Variants in MAML2 observed in about 807,000 individuals in gnomAD.
The protein encoded by MAML2 is mastermind like transcriptional coactivator 2.
Under a neutral mutation model 96.1 loss-of-function variants are expected in MAML2, and 22 were observed. The ratio of observed to expected loss-of-function variants is 0.23; its 90% CI spans 0.16 to 0.33. The LOEUF (loss-of-function observed/expected upper bound fraction) is 0.33. MAML2 is among the 10% of genes least tolerant of loss of function. The pLI is 1.00. For synonymous variants in MAML2, 561 were observed against 521.3 expected (o/e 1.08, Z -1.04); for missense variants, 1,367 against 1,392.4 (o/e 0.98, Z 0.29).
intron 1 of MAML2, among the ~76,000 whole-genome samples, chr11:96,248,306 T>G (rs1862537631): frequency 1.3e-5 from 2 of 150,902 alleles, no homozygotes; most frequent in Admixed American, 6.6e-5. Flanking sequence ...GAGGCGGGGT[T>G]TCATCATTTT....
intron 2 of MAML2, among the ~76,000 whole-genome samples, chr11:96,014,384 T>C (rs1858311422): frequency 6.6e-6 from 1 of 152,148 alleles, no homozygotes; most frequent in African/African-American, 2.4e-5. Context: ...CTCACATTAA[T>C]ATCAAAGCAG....
intron 2 of MAML2, among the ~76,000 whole-genome samples, chr11:96,082,239 G>C (rs1276027510): frequency 6.6e-6 from 1 of 152,202 alleles, no homozygotes; most frequent in Non-Finnish European, 1.5e-5. Flanking sequence ...TGAGTTCAGA[G>C]AGGGGAAAAA....
At chr11:96,096,519 G>T (rs905867494) in intron 1 of MAML2, among the ~76,000 whole-genome samples, 1 of 152,170 alleles carries the variant, frequency 6.6e-6, no homozygotes, top group Admixed American at 6.5e-5. Context: ...GACAGACAGA[G>T]TAAGCAATGA....
intron 2 of MAML2, among the ~76,000 whole-genome samples, chr11:95,998,129 T>A (rs7936579): frequency 0.18 from 24,555 of 139,008 alleles, 2,289 homozygotes; most frequent in East Asian, 0.36. Context: ...TCTATCTGTC[T>A]GTCTGTCTGT....
chr11:96,269,331 C>T lies in MAML2; in HGVS notation c.513+72052G>A, dbSNP rs187327961. On this transcript the variant is annotated intron_variant, in intron 1 of 4. Transcript: ENST00000524717. The stretch of plus-strand genomic sequence containing the variant: ...CATGAATCATCATTGTAGGTTTATG[C>T]TTCAGCTCTCCATTCAGCCTAAATA... Among the ~76,000 whole-genome samples, 36 of 144,402 alleles carry T rather than the reference C, an allele frequency of 2.5e-4. 8 individuals carry two copies. Among genetic ancestry groups the T allele is most frequent in the Non-Finnish European group, 3.0e-5 (2 of 66,736 alleles). 94.7% of individuals were successfully genotyped at this position (144,402 alleles called of 152,430 possible).
chr11:96,292,940 A>G (rs1394244674), intron 1 of MAML2, among the ~76,000 whole-genome samples: 1 of 152,194 alleles, frequency 6.6e-6, no homozygotes, highest in Non-Finnish European at 1.5e-5. Flanking sequence ...TTAGAAAAAA[A>G]AAAAAGATCT....
At chr11:96,060,084 G>A (rs1859131225) in intron 2 of MAML2, among the ~76,000 whole-genome samples, 1 of 152,192 alleles carries the variant, frequency 6.6e-6, no homozygotes, top group Non-Finnish European at 1.5e-5. Context: ...TCAGGTCCAG[G>A]GAACAGCACA....
At chr11:96,013,374 G>T (rs912607086) in intron 2 of MAML2, among the ~76,000 whole-genome samples, 3 of 152,170 alleles carry the variant, frequency 2.0e-5, no homozygotes, top group African/African-American at 7.2e-5. Context: ...CAATATAAAA[G>T]CTAAAGTATA....
intron 2 of MAML2, among the ~76,000 whole-genome samples, chr11:95,997,455 TTC>T (rs1412904393): frequency 1.6e-4 from 25 of 152,322 alleles, no homozygotes; most frequent in African/African-American, 5.8e-4. Flanking sequence ...CATGTTTGTA[TTC>T]TTTTTATAAG....
At chr11:96,162,371 G>A (rs61901885) in intron 1 of MAML2, among the ~76,000 whole-genome samples, 8,998 of 151,722 alleles carry the variant, frequency 0.059, 371 homozygotes, top group South Asian at 0.1. Context: ...ACCAGATCTA[G>A]CGATTGCTAT....
chr11:96,034,466 T>TGTGC (rs1188762682), intron 2 of MAML2, among the ~76,000 whole-genome samples: 1 of 150,206 alleles, frequency 6.7e-6, no homozygotes, highest in African/African-American at 2.5e-5. Flanking sequence ...AGTGTGTGTG[T>TGTGC]GTGTGTGTGT....
chr11:96,116,499 G>C (rs1266106096), intron 1 of MAML2, among the ~76,000 whole-genome samples: 1 of 152,140 alleles, frequency 6.6e-6, no homozygotes, highest in Non-Finnish European at 1.5e-5. Context: ...GTTCTACTCT[G>C]GTCTGACAAC....
chr11:96,339,977 G>C (rs1431966663), intron 1 of MAML2, among the ~76,000 whole-genome samples: 1 of 152,206 alleles, frequency 6.6e-6, no homozygotes, highest in Non-Finnish European at 1.5e-5. Context: ...TGTAAACCCT[G>C]TGCAGTTTAA....
intron 2 of MAML2, among the ~76,000 whole-genome samples, chr11:96,038,424 G>A (rs1444753100): frequency 1.3e-5 from 2 of 152,120 alleles, no homozygotes; most frequent in Non-Finnish European, 2.9e-5. Flanking sequence ...GTTGATCTAA[G>A]GAAAAACGCA....
chr11:96,063,298 C>A (rs1468966221), intron 2 of MAML2, among the ~76,000 whole-genome samples: 5 of 152,172 alleles, frequency 3.3e-5, no homozygotes, highest in Non-Finnish European at 5.9e-5. Context: ...CCTCTCATAA[C>A]TTGTTCTTTG....
At chr11:96,236,653 G>A (rs1224539097) in intron 1 of MAML2, among the ~76,000 whole-genome samples, 1 of 152,124 alleles carries the variant, frequency 6.6e-6, no homozygotes. Context: ...TCTATCAAAT[G>A]AAGCCGCTTG....
intron 1 of MAML2, among the ~76,000 whole-genome samples, chr11:96,118,249 G>C (rs1860277105): frequency 6.6e-6 from 1 of 152,144 alleles, no homozygotes; most frequent in African/African-American, 2.4e-5. Flanking sequence ...GCAATGTCCA[G>C]CTATACGGTT....
intron 1 of MAML2, among the ~76,000 whole-genome samples, chr11:96,164,010 C>T (rs113558463): frequency 0.018 from 2,705 of 151,702 alleles, 93 homozygotes; most frequent in African/African-American, 0.061. Context: ...CTACAGGTAC[C>T]CATCCACGCC....
intron 1 of MAML2, among the ~76,000 whole-genome samples, chr11:96,120,881 C>A (rs993261626): frequency 6.6e-6 from 1 of 152,132 alleles, no homozygotes; most frequent in Non-Finnish European, 1.5e-5. Flanking sequence ...CCGAAGAATG[C>A]AGTTAAATTA....
Sources: gnomAD v4.1 joint callset for allele counts (sites outside exome capture counted in the v4.1 genomes callset) on GRCh38, gnomAD v4.1.1 for gene constraint, MANE v1.5 for transcripts, NCBI Gene and HGNC (gene_info 2026-07-23, HGNC 2026-07-21) for gene names.